The following CEP112 variants were observed in gnomAD, a reference collection of about 807,000 sequenced individuals.
CEP112 encodes centrosomal protein 112, also known as centrosomal protein of 112 kDa.
CEP112 carries 127 observed loss-of-function variants against 153.0 expected under a neutral mutation model. The ratio of observed to expected loss-of-function variants is 0.83; its 90% CI spans 0.72 to 0.96. The LOEUF is 0.96. Ranked by LOEUF, CEP112 falls within the 40% of genes least tolerant of loss-of-function variation. The pLI, the probability that CEP112 is intolerant of heterozygous loss-of-function variation, is 0.00. For synonymous variants in CEP112, 358 were observed against 374.4 expected (o/e 0.96, Z 0.51); for missense variants, 1,089 against 1,101.2 (o/e 0.99, Z 0.16).
intron 23 of CEP112, among the ~76,000 whole-genome samples, chr17:65,714,761 CAA>C (rs1215247069): frequency 1.3e-5 from 2 of 151,830 alleles, no homozygotes; most frequent in African/African-American, 4.8e-5. Context: ...ATAGCATTAC[CAA>C]ATATTTATAT....
chr17:66,126,431 T>G (rs1039299613), intron 6 of CEP112, among the ~76,000 whole-genome samples: 1 of 152,164 alleles, frequency 6.6e-6, no homozygotes, highest in Non-Finnish European at 1.5e-5. Context: ...AGGGAGAATG[T>G]TCCAAAGCCT....
At chr17:65,648,347 T>C (rs2045553482) in intron 24 of CEP112, among the ~76,000 whole-genome samples, 2 of 152,224 alleles carry the variant, frequency 1.3e-5, no homozygotes, top group Non-Finnish European at 2.9e-5. Flanking sequence ...TAACTAGTAA[T>C]GACTCCTGTA....
intron 18 of CEP112, among the ~76,000 whole-genome samples, chr17:65,934,082 G>A (rs1027271464): frequency 5.3e-5 from 8 of 152,128 alleles, no homozygotes; most frequent in African/African-American, 1.2e-4. Flanking sequence ...CCCGCTACTC[G>A]GGAGGCTGAG....
chr17:66,182,222 T>C (rs1394134435), intron 2 of CEP112: 2 of 152,256 alleles, frequency 1.3e-5, no homozygotes, highest in African/African-American at 4.8e-5. Context: ...ATTATATTGT[T>C]ATAATTGTTC....
intron 16 of CEP112, among the ~76,000 whole-genome samples, chr17:66,012,878 C>G (rs535926894): frequency 6.6e-6 from 1 of 152,084 alleles, no homozygotes; most frequent in Non-Finnish European, 1.5e-5. Flanking sequence ...TAGATTTGGT[C>G]TCTTCACATA....
intron 21 of CEP112, among the ~76,000 whole-genome samples, chr17:65,784,760 G>A (rs376996545): frequency 5.3e-5 from 8 of 152,246 alleles, no homozygotes; most frequent in South Asian, 4.1e-4. Flanking sequence ...ATTGCAGAGT[G>A]AGCCACCATA....
chr17:66,064,966 T>G (rs975956915), intron 10 of CEP112, among the ~76,000 whole-genome samples: 1 of 152,210 alleles, frequency 6.6e-6, no homozygotes, highest in Non-Finnish European at 1.5e-5. Context: ...GTAATGGCTG[T>G]CCTAATTTGT....
chr17:66,121,843 ATGAT>A (rs2069611144), intron 6 of CEP112, among the ~76,000 whole-genome samples: 1 of 151,904 alleles, frequency 6.6e-6, no homozygotes, highest in African/African-American at 2.4e-5. Flanking sequence ...AAATCTCTTT[ATGAT>A]ATTCTGTATT....
At position 65,836,220 on chromosome 17, in the gene CEP112, AG is replaced by A. The variant is rs1277814523; in HGVS notation, c.2394+15583del. 2.0e-5 allele frequency among the ~76,000 whole-genome samples: 3 copies of A among 152,254 alleles called. No individual in the cohort carries two copies. The East Asian group carries it at 5.8e-4, about 29-fold the overall frequency. On this transcript the variant is annotated intron_variant, in intron 21 of 26. Coordinates refer to ENST00000535342, the MANE Select transcript of CEP112 (RefSeq NM_001199165.4). ...TAACCGCAAAGGAAGACAGTAAAAA[AG>A]GAAGGAAGGATTTACAAAACAATCA...
rs150589260 is a variant in CEP112, at chr17:66,112,681, C to T, written c.643-16049G>A. On this transcript the variant is annotated intron_variant, in intron 6 of 26. Coordinates refer to ENST00000535342, the MANE Select transcript of CEP112 (RefSeq NM_001199165.4). ...AGTGCCAGCCAGGCATGGTGGCTCA[C>T]GCCTGTAATCTCAGCACTTTGGGAG... Among the ~76,000 whole-genome samples, 40 of 152,260 alleles carry T rather than the reference C, an allele frequency of 2.6e-4. 1 individual carries two copies. In the East Asian group the frequency reaches 3.9e-3, roughly 15 times the overall value.
intron 24 of CEP112, among the ~76,000 whole-genome samples, chr17:65,666,367 A>G (rs1336313421): frequency 7.2e-5 from 11 of 151,958 alleles, no homozygotes; most frequent in African/African-American, 2.7e-4. Context: ...TACAATGTCT[A>G]CCTCATGGGA....
At chr17:66,047,362 C>T (rs922368822) in intron 12 of CEP112, among the ~76,000 whole-genome samples, 4 of 152,194 alleles carry the variant, frequency 2.6e-5, no homozygotes, top group Non-Finnish European at 5.9e-5. Flanking sequence ...AGTGATCCGC[C>T]CACCTTGGCT....
Position 66,166,748 on chromosome 17 carries a change from A to T in CEP112, c.470+8296T>A, listed in dbSNP as rs796352327. Among the ~76,000 whole-genome samples the T allele has an allele frequency of 3.3e-5, 5 of 152,100 alleles. No homozygotes were observed. The South Asian group carries it at 1.0e-3, about 32-fold the overall frequency. On this transcript the variant is annotated intron_variant, in intron 4 of 26. Transcript: ENST00000535342. ...CCTCGTGTCTACTAAAAATAAAAAT[A>T]AAAAAATTAGCCAGGCGTGGTGGCA...
chr17:66,158,467 C>A (rs879714301), intron 4 of CEP112, among the ~76,000 whole-genome samples: 2 of 151,954 alleles, frequency 1.3e-5, no homozygotes, highest in Non-Finnish European at 2.9e-5. Context: ...AAAAAATGAG[C>A]CGGGCGTGGT....
chr17:65,663,432 A>G lies in CEP112; in HGVS notation c.2698-22367T>C, dbSNP rs188289743. 2.4e-4 allele frequency among the ~76,000 whole-genome samples: 36 copies of G among 152,332 alleles called. 1 individual carries two copies. The highest frequency in any genetic ancestry group is 7.9e-4 in the African/African-American group (33 of 41,580). ...TTTAGTCTACACATGGTATAGCTCA[A>G]CTTAGTTTGTGGATCACATATGGCA... On this transcript the variant is annotated intron_variant, in intron 24 of 26. Coordinates refer to ENST00000535342, the MANE Select transcript of CEP112 (RefSeq NM_001199165.4).
At chr17:66,138,984 T>G (rs373674081) in intron 4 of CEP112, among the ~76,000 whole-genome samples, 2 of 151,696 alleles carry the variant, frequency 1.3e-5, no homozygotes, top group African/African-American at 4.8e-5. Context: ...GTGAAAGCAG[T>G]GCTAAGAGGA....
chr17:65,832,642 G>C (rs192306245), intron 21 of CEP112, among the ~76,000 whole-genome samples: 15 of 150,934 alleles, frequency 9.9e-5, no homozygotes, highest in African/African-American at 3.5e-4. Context: ...ATCCTGCCAA[G>C]GCTGAACAAG....
intron 10 of CEP112, among the ~76,000 whole-genome samples, chr17:66,065,308 C>T (rs2067073463): frequency 1.3e-5 from 2 of 152,088 alleles, no homozygotes; most frequent in Non-Finnish European, 2.9e-5. Context: ...TAAACCAAGA[C>T]CCAGAGACAA....
intron 4 of CEP112, among the ~76,000 whole-genome samples, chr17:66,144,712 G>A (rs1291328186): frequency 6.6e-6 from 1 of 151,920 alleles, no homozygotes; most frequent in Non-Finnish European, 1.5e-5. Context: ...ACAAAAAAAA[G>A]GTTCATTATT....
Sources: gnomAD v4.1 joint callset for allele counts (sites outside exome capture counted in the v4.1 genomes callset) on GRCh38, gnomAD v4.1.1 for gene constraint, MANE v1.5 for transcripts, NCBI Gene and HGNC (gene_info 2026-07-23, HGNC 2026-07-21) for gene names.